Variants in GPC3 observed in about 807,000 individuals in gnomAD.
The protein encoded by GPC3 is glypican-3.
Under a neutral mutation model 34.4 loss-of-function variants are expected in GPC3, and 3 were observed. That is an observed-to-expected ratio of 0.09 (90% confidence interval 0.04 to 0.23). The LOEUF is 0.23. GPC3 is among the 10% of genes least tolerant of loss of function. GPC3 has a pLI of 1.00. For synonymous variants in GPC3, 177 were observed against 174.0 expected (o/e 1.02, Z -0.13); for missense variants, 351 against 445.6 (o/e 0.79, Z 1.91).
chrX:133,693,903 G>A (rs6638120), intron 4 of GPC3, among the ~76,000 whole-genome samples: 16 of 110,826 alleles, frequency 1.4e-4, no homozygotes, highest in African/African-American at 4.9e-4. Flanking sequence ...GGTTCTCCAG[G>A]GATTGGATTA....
In GPC3 at chrX:133,953,095, T is replaced by C; in HGVS notation, c.292A>G (p.Met98Val). Residue 98 changes from methionine (M) to valine (V), a missense_variant, in exon 2 of 8, where the codon ATG (methionine) becomes GTG (valine). Physicochemically the swap from Met to Val is conservative, Grantham distance 21. Coordinates refer to ENST00000370818, the MANE Select transcript of GPC3 (RefSeq NM_004484.4). ...NMEQLLQSAS[M>V]ELKFLIIQNA... Reference sequence around the variant, plus strand: ...TGAATAATTAAGAACTTGAGCTCCATACTTGCAGACTGAAGCAGCTGTTCC... The same window carrying C: ...TGAATAATTAAGAACTTGAGCTCCACACTTGCAGACTGAAGCAGCTGTTCC... 8.3e-7 allele frequency: 1 copy of C among 1,208,523 alleles called. No individual in the cohort carries two copies. Among genetic ancestry groups the C allele is most frequent in the Middle Eastern group, 2.3e-4 (1 of 4,344 alleles).
chrX:133,784,460 A>G (rs1229679113), intron 2 of GPC3, among the ~76,000 whole-genome samples: 3 of 111,374 alleles, frequency 2.7e-5, no homozygotes, highest in African/African-American at 9.8e-5. Context: ...CTAGGAGCCC[A>G]TACTGACCAG....
At chrX:133,871,940 G>A (rs1399617773) in intron 2 of GPC3, among the ~76,000 whole-genome samples, 1 of 111,443 alleles carries the variant, frequency 9.0e-6, no homozygotes, top group African/African-American at 3.3e-5. Flanking sequence ...GGTAACCACA[G>A]CCACCCTCCC....
At chrX:133,568,391 A>G (rs886451548) in intron 7 of GPC3, among the ~76,000 whole-genome samples, 2 of 112,164 alleles carry the variant, frequency 1.8e-5, no homozygotes, top group African/African-American at 6.5e-5. Context: ...TCTGTCCTCA[A>G]GGACAGCTAC....
chrX:133,971,715 A>G (rs910877797), intron 1 of GPC3, among the ~76,000 whole-genome samples: 1 of 111,145 alleles, frequency 9.0e-6, no homozygotes. Flanking sequence ...TGCGGAGAAC[A>G]GTCCAACAGA....
intron 3 of GPC3, among the ~76,000 whole-genome samples, chrX:133,701,854 GA>G (rs201817640): frequency 2.7e-5 from 3 of 109,763 alleles, no homozygotes; most frequent in African/African-American, 9.9e-5. Flanking sequence ...TCTCGAATTA[GA>G]AAAAAAAATC....
chrX:133,773,746 T>C (rs1477614347), intron 2 of GPC3, among the ~76,000 whole-genome samples: 1 of 111,941 alleles, frequency 8.9e-6, no homozygotes, highest in East Asian at 2.8e-4. Context: ...TTCTGATACA[T>C]TCTTTCAGTC....
At chrX:133,552,709 T>C (rs2069446937) in intron 7 of GPC3, among the ~76,000 whole-genome samples, 1 of 111,965 alleles carries the variant, frequency 8.9e-6, no homozygotes, top group Admixed American at 9.5e-5. Context: ...TAGTAGATAT[T>C]TTGCTCAATG....
At chrX:133,619,843 A>G (rs1161042069) in intron 6 of GPC3, among the ~76,000 whole-genome samples, 1 of 110,921 alleles carries the variant, frequency 9.0e-6, no homozygotes, top group Non-Finnish European at 1.9e-5. Context: ...GACAACAAAA[A>G]GGGCACTAAC....
intron 3 of GPC3, among the ~76,000 whole-genome samples, chrX:133,731,095 TGAG>T (rs1423084972): frequency 2.7e-5 from 3 of 112,274 alleles, no homozygotes; most frequent in Non-Finnish European, 5.6e-5. Context: ...GGATCAGAGA[TGAG>T]GAGAAAATTT....
chrX:133,902,768 A>G (rs1003198868), intron 2 of GPC3, among the ~76,000 whole-genome samples: 1 of 111,967 alleles, frequency 8.9e-6, no homozygotes, highest in Non-Finnish European at 1.9e-5. Context: ...TAAAACAAAA[A>G]AGAAACTATC....
chrX:133,806,640 T>C (rs1335098948), intron 2 of GPC3, among the ~76,000 whole-genome samples: 2 of 108,129 alleles, frequency 1.8e-5, no homozygotes, highest in Non-Finnish European at 3.8e-5. Context: ...TTTTATTTTA[T>C]TTATTTATTT....
At chrX:133,983,098 G>A (rs1294095531) in intron 1 of GPC3, among the ~76,000 whole-genome samples, 5 of 111,435 alleles carry the variant, frequency 4.5e-5, no homozygotes, top group Non-Finnish European at 1.9e-5. Context: ...CACTGCCCCC[G>A]GAAAATCCAG....
chrX:133,728,385 A>G, intron 3 of GPC3, among the ~76,000 whole-genome samples: 1 of 111,969 alleles, frequency 8.9e-6, no homozygotes, highest in South Asian at 3.8e-4. Flanking sequence ...GAAGGAGTGA[A>G]GGAAAGAAGG....
chrX:133,657,993 A>G (rs1040999157), intron 6 of GPC3, among the ~76,000 whole-genome samples: 5 of 109,595 alleles, frequency 4.6e-5, no homozygotes, highest in African/African-American at 1.7e-4. Flanking sequence ...TGTAGTTTTA[A>G]TAGATGCAGC....
chrX:133,893,235 C>T (rs946173759), intron 2 of GPC3, among the ~76,000 whole-genome samples: 3 of 111,176 alleles, frequency 2.7e-5, no homozygotes, highest in Non-Finnish European at 5.7e-5. Flanking sequence ...CCAGCCTGGG[C>T]AACAAGAGCA....
intron 6 of GPC3, among the ~76,000 whole-genome samples, chrX:133,653,855 T>G (rs1020012418): frequency 8.9e-6 from 1 of 112,103 alleles, no homozygotes; most frequent in Admixed American, 9.5e-5. Flanking sequence ...TTTGCAAGCA[T>G]GTTTGCATCA....
intron 2 of GPC3, among the ~76,000 whole-genome samples, chrX:133,805,828 C>T (rs945430596): frequency 8.9e-5 from 10 of 111,929 alleles, no homozygotes; most frequent in Non-Finnish European, 1.9e-4. Flanking sequence ...TCATCATCAT[C>T]GTCAAGTACC....
chrX:133,704,875 C>G (rs760285582), intron 3 of GPC3, among the ~76,000 whole-genome samples: 1 of 111,102 alleles, frequency 9.0e-6, no homozygotes, highest in Non-Finnish European at 1.9e-5. Flanking sequence ...TGATCTGATA[C>G]AATTCACTCC....
Sources: allele counts gnomAD v4.1 joint callset (sites outside exome capture counted in the v4.1 genomes callset), GRCh38; gene constraint gnomAD v4.1.1; transcripts MANE v1.5; gene names NCBI Gene and HGNC (gene_info 2026-07-23, HGNC 2026-07-21).